KCNK2: variants seen among roughly 807,000 people sequenced by gnomAD.
The protein encoded by KCNK2 is potassium channel subfamily K member 2.
KCNK2 carries 21 observed loss-of-function variants against 40.5 expected under a neutral mutation model. The observed-to-expected ratio is 0.52, with a 90% CI of 0.37 to 0.75. The LOEUF (loss-of-function observed/expected upper bound fraction) is 0.75, where lower values mean the gene tolerates loss of function less well. Ranked by LOEUF, KCNK2 falls within the 30% of genes least tolerant of loss-of-function variation. KCNK2 has a pLI of 0.00. For synonymous variants in KCNK2, 191 were observed against 202.2 expected (o/e 0.94, Z 0.47); for missense variants, 399 against 531.6 (o/e 0.75, Z 2.45).
intron 6 of KCNK2, among the ~76,000 whole-genome samples, chr1:215,218,811 T>TGTAA (rs1666057226): frequency 1.3e-5 from 2 of 152,198 alleles, no homozygotes; most frequent in Admixed American, 1.3e-4. Flanking sequence ...TATGCATATC[T>TGTAA]GTAAGTTGCA....
chr1:215,033,171 T>C (rs1374496184), intron 1 of KCNK2, among the ~76,000 whole-genome samples: 1 of 151,462 alleles, frequency 6.6e-6, no homozygotes, highest in Non-Finnish European at 1.5e-5. Flanking sequence ...TTCATTTCTG[T>C]TACAGTGGTT....
chr1:215,039,738 G>C (rs1252057392), intron 1 of KCNK2, among the ~76,000 whole-genome samples: 1 of 151,956 alleles, frequency 6.6e-6, no homozygotes, highest in Non-Finnish European at 1.5e-5. Context: ...AATTCAGACT[G>C]TGGATAGTTC....
chr1:215,163,138 C>T (rs900444959), intron 3 of KCNK2, among the ~76,000 whole-genome samples: 1 of 152,038 alleles, frequency 6.6e-6, no homozygotes, highest in African/African-American at 2.4e-5. Flanking sequence ...TGAAGAGGTC[C>T]TTCACATCCA....
intron 3 of KCNK2, among the ~76,000 whole-genome samples, chr1:215,147,718 T>C (rs1475661929): frequency 6.6e-6 from 1 of 152,060 alleles, no homozygotes; most frequent in African/African-American, 2.4e-5. Flanking sequence ...GCCTGTAATC[T>C]GAGCTACTTG....
chr1:215,064,186 G>A (rs1014806915), intron 1 of KCNK2, among the ~76,000 whole-genome samples: 15 of 152,140 alleles, frequency 9.9e-5, no homozygotes, highest in Admixed American at 3.9e-4. Context: ...AGGAGATTCC[G>A]TGTGAAACAT....
intron 1 of KCNK2, among the ~76,000 whole-genome samples, chr1:215,071,493 A>C (rs951965497): frequency 6.6e-6 from 1 of 152,204 alleles, no homozygotes; most frequent in African/African-American, 2.4e-5. Context: ...GTTATGCTCC[A>C]GTAGCAGGCT....
chr1:215,172,178 T>A lies in KCNK2; in HGVS notation c.818T>A (p.Val273Asp). Reference protein sequence around the residue: ...TLTTIGFGDYVAGGSDIEYLD... With the variant: ...TLTTIGFGDYDAGGSDIEYLD... ...ACAACTATTGGATTTGGTGACTACG[T>A]TGCAGGTAAGCTTTTCCTGGCATCC... The change falls in exon 5 of 7, where the codon GTT becomes GAT. Residue 273 changes from valine (V) to aspartate (D), a missense_variant. Coordinates refer to ENST00000444842, the MANE Select transcript of KCNK2 (RefSeq NM_001017425.3). 1 of 1,611,548 alleles carries A rather than the reference T, an allele frequency of 6.2e-7. No individual in the cohort carries two copies.
chr1:215,005,860 C>A, exon 1 of KCNK2: 1 of 1,493,244 alleles, frequency 6.7e-7, no homozygotes, highest in African/African-American at 1.4e-5. Context: ...GACAAGAAAC[C>A]TTGGAGGAAG....
intron 1 of KCNK2, among the ~76,000 whole-genome samples, chr1:215,048,222 CT>C (rs1215470260): frequency 4.6e-5 from 7 of 152,088 alleles, no homozygotes; most frequent in South Asian, 4.1e-4. Flanking sequence ...AAAAGTTATA[CT>C]TTTTTTCTTT....
In KCNK2 at chr1:215,124,682, C is replaced by T; in HGVS notation, c.407C>T (p.Ser136Phe). 6.2e-7 allele frequency: 1 copy of T among 1,613,226 alleles called. No individual in the cohort carries two copies. The highest frequency in any genetic ancestry group is 8.5e-7 in the Non-Finnish European group (1 of 1,179,318). ...NAGIIPLGNT[S>F]NQISHWDLGS... Reference sequence around the variant, plus strand: ...GGGATTATACCGTTAGGAAACACCTCCAATCAAATCAGTCACTGGGATTTG... The same window carrying T: ...GGGATTATACCGTTAGGAAACACCTTCAATCAAATCAGTCACTGGGATTTG... The change falls in exon 3 of 7, where the codon TCC becomes TTC. Residue 136 changes from serine to phenylalanine, a missense_variant. Ser to Phe is a radical substitution (Grantham distance 155). Around this residue, in one of 3 missense-constraint regions of KCNK2, gnomAD observed 279 missense variants for 353.8 expected, o/e 0.79. Coordinates refer to ENST00000444842, the MANE Select transcript of KCNK2 (RefSeq NM_001017425.3).
intron 1 of KCNK2, among the ~76,000 whole-genome samples, chr1:215,038,646 A>G (rs913371343): frequency 7.2e-5 from 11 of 152,218 alleles, no homozygotes; most frequent in East Asian, 5.8e-4. Context: ...AACAGAACCA[A>G]TGGATTATAC....
chr1:215,150,561 A>AGTTCTTGCTC (rs1662641848), intron 3 of KCNK2, among the ~76,000 whole-genome samples: 2 of 152,102 alleles, frequency 1.3e-5, no homozygotes, highest in Non-Finnish European at 2.9e-5. Flanking sequence ...TGTTCTCTAA[A>AGTTCTTGCTC]ATTCTTGCAT....
chr1:215,126,062 A>T (rs1661422674), intron 3 of KCNK2, among the ~76,000 whole-genome samples: 1 of 151,990 alleles, frequency 6.6e-6, no homozygotes, highest in Non-Finnish European at 1.5e-5. Context: ...TTTTAATCTT[A>T]TTTTTTGATG....
At chr1:215,035,116 T>C (rs1657340113) in intron 1 of KCNK2, among the ~76,000 whole-genome samples, 1 of 152,110 alleles carries the variant, frequency 6.6e-6, no homozygotes, top group Admixed American at 6.6e-5. Context: ...TGTATACACA[T>C]AATTTTGTCT....
At chr1:215,080,259 C>T (rs781311897), upstream of KCNK2, among the ~76,000 whole-genome samples, 27 of 152,146 alleles carry the variant, frequency 1.8e-4, no homozygotes, top group Non-Finnish European at 3.7e-4. Context: ...GCCAGTTTGA[C>T]AGAGGACTAG....
At chr1:215,122,740 C>CTTTT (rs564207038) in intron 2 of KCNK2, among the ~76,000 whole-genome samples, 10 of 120,348 alleles carry the variant, frequency 8.3e-5, no homozygotes, top group East Asian at 2.4e-4. Context: ...CATTCATAAT[C>CTTTT]TTTTTTTTTT....
chr1:215,091,161 A>G (rs535563316), intron 2 of KCNK2, among the ~76,000 whole-genome samples: 1 of 152,296 alleles, frequency 6.6e-6, no homozygotes, highest in Admixed American at 6.5e-5. Flanking sequence ...GATACAGAAG[A>G]TGTGAAAGGA....
intron 1 of KCNK2, among the ~76,000 whole-genome samples, chr1:215,035,861 A>G (rs1410845868): frequency 6.6e-6 from 1 of 152,010 alleles, no homozygotes; most frequent in Non-Finnish European, 1.5e-5. Context: ...AAAGCAGTGA[A>G]TGAGAGTTTC....
intron 3 of KCNK2, among the ~76,000 whole-genome samples, chr1:215,152,492 A>G (rs985525245): frequency 1.3e-5 from 2 of 152,142 alleles, no homozygotes; most frequent in African/African-American, 4.8e-5. Flanking sequence ...TTTTCAGTGT[A>G]GTAAATCTTT....
Sources: gnomAD v4.1 joint callset for allele counts (sites outside exome capture counted in the v4.1 genomes callset) on GRCh38, gnomAD v4.1.1 for gene constraint, gnomAD v4.1.1 regional missense constraint, MANE v1.5 for transcripts, NCBI Gene and HGNC (gene_info 2026-07-23, HGNC 2026-07-21) for gene names.